WDR93: variants seen among roughly 807,000 people sequenced by gnomAD.
The protein encoded by WDR93 is WD repeat-containing protein 93.
Under a neutral mutation model 82.9 loss-of-function variants are expected in WDR93, and 73 were observed. The ratio of observed to expected loss-of-function variants is 0.88; its 90% CI spans 0.73 to 1.07. WDR93 has a LOEUF of 1.07. WDR93 is among the 50% of genes least tolerant of loss of function. The pLI is 0.00. For missense variants in WDR93, 738 were observed against 826.0 expected (o/e 0.89, Z 1.31); for synonymous variants, 283 against 300.1 (o/e 0.94, Z 0.59).
At chr15:89,712,394 A>ATATTTTTTTTTTTTTTTTTTTTT (rs1177405888) in intron 5 of WDR93, among the ~76,000 whole-genome samples, 1 of 61,684 alleles carries the variant, frequency 1.6e-5, no homozygotes, top group African/African-American at 9.3e-5. Flanking sequence ...TTTTCCACTA[A>ATATTTTTTTTTTTTTTTTTTTTT]TCTTTTTTTT....
chr15:89,711,749 G>C (rs8030243), intron 4 of WDR93, among the ~76,000 whole-genome samples: 97,247 of 152,038 alleles, frequency 0.64, 32,339 homozygotes, highest in African/African-American at 0.74. Flanking sequence ...CACACCTGAC[G>C]AGGAGATCCA....
chr15:89,719,556 T>A (rs1966424306), intron 7 of WDR93: 1 of 152,230 alleles, frequency 6.6e-6, no homozygotes, highest in African/African-American at 2.4e-5. Flanking sequence ...TCTATTGTGA[T>A]GTCATCCCTC....
chr15:89,696,070 GC>G (rs915053302), intron 1 of WDR93, among the ~76,000 whole-genome samples: 2 of 151,774 alleles, frequency 1.3e-5, no homozygotes, highest in African/African-American at 4.8e-5. Flanking sequence ...ACCCGCCTTG[GC>G]CCCCCAAAGT....
chr15:89,710,125 A>G (rs992977452), intron 4 of WDR93, among the ~76,000 whole-genome samples: 1 of 152,236 alleles, frequency 6.6e-6, no homozygotes, highest in African/African-American at 2.4e-5. Flanking sequence ...GCACCACTGC[A>G]CTCCAGCTTG....
chr15:89,726,289 C>T (rs1326326502), intron 8 of WDR93, among the ~76,000 whole-genome samples: 2 of 152,246 alleles, frequency 1.3e-5, no homozygotes, highest in Admixed American at 1.3e-4. Flanking sequence ...GGCCCCACCA[C>T]AGAGTTTCTT....
chr15:89,691,133 T>A (rs1311627211), intron 1 of WDR93, among the ~76,000 whole-genome samples: 1 of 152,154 alleles, frequency 6.6e-6, no homozygotes, highest in East Asian at 1.9e-4. Context: ...TCCCTTGAGC[T>A]ACACCAGCTC....
intron 5 of WDR93, among the ~76,000 whole-genome samples, chr15:89,713,200 AC>A (rs1276813847): frequency 4.0e-5 from 6 of 151,888 alleles, no homozygotes; most frequent in Admixed American, 1.3e-4. Context: ...ATGTGTTAAA[AC>A]CACCACAGTA....
chr15:89,707,688 C>G (rs1456101668), intron 4 of WDR93, among the ~76,000 whole-genome samples: 1 of 152,164 alleles, frequency 6.6e-6, no homozygotes, highest in Admixed American at 6.5e-5. Flanking sequence ...GGAACTCTTC[C>G]TATGCACTGC....
chr15:89,733,095 A>C lies in WDR93; in HGVS notation c.1420A>C (p.Asn474His). The C allele has an allele frequency of 6.2e-7, 1 of 1,614,224 alleles. No homozygotes were observed. The highest frequency in any genetic ancestry group is 8.5e-7 in the Non-Finnish European group (1 of 1,180,048). The change falls in exon 13 of 17, where the codon AAT (asparagine) becomes CAT (histidine). Residue 474 changes from asparagine (N) to histidine (H), a missense_variant. Physicochemically the swap from Asn to His is moderately conservative, Grantham distance 68. Coordinates refer to ENST00000268130, the MANE Select transcript of WDR93 (RefSeq NM_020212.2). ...ATATTTCTCGGTCCACAAAGGACAGAATATGTATCCTGAAGGTCAAGTGAA... is the reference window on the plus strand; with the variant it reads ...ATATTTCTCGGTCCACAAAGGACAGCATATGTATCCTGAAGGTCAAGTGAA... The part of the protein sequence containing the change: ...LKYFSVHKGQ[N>H]MYPEGQVKSQ...
At chr15:89,692,308 G>T (rs1044168922) in intron 1 of WDR93, among the ~76,000 whole-genome samples, 2 of 152,200 alleles carry the variant, frequency 1.3e-5, no homozygotes, top group Non-Finnish European at 2.9e-5. Context: ...GACTCCAGAA[G>T]AGGGAAACTA....
chr15:89,723,199 C>CATAAATAAATAAATAA (rs60829285), intron 8 of WDR93, among the ~76,000 whole-genome samples: 14 of 143,666 alleles, frequency 9.7e-5, no homozygotes, highest in Middle Eastern at 3.5e-3. Context: ...GAAACCGCGT[C>CATAAATAAATAAATAA]ATAAATAAAT....
At chr15:89,715,343 C>G (rs910205652) in intron 6 of WDR93, among the ~76,000 whole-genome samples, 5 of 152,150 alleles carry the variant, frequency 3.3e-5, no homozygotes, top group Non-Finnish European at 7.3e-5. Flanking sequence ...GAGACCACTC[C>G]CAGGCATTTC....
chr15:89,695,250 C>A (rs1168221681), intron 1 of WDR93, among the ~76,000 whole-genome samples: 1 of 152,044 alleles, frequency 6.6e-6, no homozygotes, highest in Non-Finnish European at 1.5e-5. Context: ...ATTGAGTCTT[C>A]CAACTCATAA....
intron 1 of WDR93, among the ~76,000 whole-genome samples, chr15:89,699,091 G>T (rs762356042): frequency 9.9e-5 from 15 of 151,702 alleles, no homozygotes; most frequent in African/African-American, 1.5e-4. Flanking sequence ...TGAACTTTAG[G>T]GCTCAAGTGA....
At chr15:89,723,779 G>A (rs1419803568) in intron 8 of WDR93, among the ~76,000 whole-genome samples, 1 of 152,160 alleles carries the variant, frequency 6.6e-6, no homozygotes, top group Non-Finnish European at 1.5e-5. Flanking sequence ...AAGTGGTGGT[G>A]GCTGTTTATG....
At chr15:89,718,039 T>C (rs1401517846) in intron 7 of WDR93, among the ~76,000 whole-genome samples, 4 of 152,174 alleles carry the variant, frequency 2.6e-5, no homozygotes, top group Non-Finnish European at 5.9e-5. Flanking sequence ...CCTTCTTTTT[T>C]CCCTTTCAAA....
chr15:89,703,326 T>C, intron 3 of WDR93, 184 bp downstream of exon 3: 3 of 651,872 alleles, frequency 4.6e-6, no homozygotes, highest in South Asian at 2.1e-5. Flanking sequence ...TCACATGTGC[T>C]AGCCCATTTA....
At chr15:89,717,826 C>A (rs1966330416) in intron 7 of WDR93, among the ~76,000 whole-genome samples, 1 of 152,074 alleles carries the variant, frequency 6.6e-6, no homozygotes, top group African/African-American at 2.4e-5. Flanking sequence ...AAATAACAGC[C>A]CAATTCACCA....
At chr15:89,706,419 A>G (rs1392315030) in intron 4 of WDR93, among the ~76,000 whole-genome samples, 2 of 151,932 alleles carry the variant, frequency 1.3e-5, no homozygotes, top group Non-Finnish European at 2.9e-5. Context: ...CAGCCTCCCA[A>G]AGTACTGGGA....
Sources: gnomAD v4.1 joint callset for allele counts (sites outside exome capture counted in the v4.1 genomes callset) on GRCh38, gnomAD v4.1.1 for gene constraint, MANE v1.5 for transcripts, NCBI Gene and HGNC (gene_info 2026-07-23, HGNC 2026-07-21) for gene names.